The following ADAMTS17 variants were observed in gnomAD, a reference collection of about 807,000 sequenced individuals.
ADAMTS17 encodes the protein A disintegrin and metalloproteinase with thrombospondin motifs 17.
In ADAMTS17, 113 loss-of-function variants were observed where a neutral mutation model predicts 141.5. The observed-to-expected ratio is 0.80, with a 90% CI of 0.69 to 0.93. ADAMTS17 has a LOEUF of 0.93. ADAMTS17 is among the 40% of genes least tolerant of loss of function. ADAMTS17 has a pLI of 0.00. For missense variants in ADAMTS17, 1,659 were observed against 1,517.9 expected (o/e 1.09, Z -1.54); for synonymous variants, 768 against 630.6 (o/e 1.22, Z -3.27).
At chr15:100,142,342 C>T (rs760414572) in intron 10 of ADAMTS17, among the ~76,000 whole-genome samples, 2 of 152,050 alleles carry the variant, frequency 1.3e-5, no homozygotes, top group East Asian at 1.9e-4. Flanking sequence ...GTACTGGACA[C>T]GGGAAAGCAA....
chr15:100,194,457 T>C (rs889479284), intron 8 of ADAMTS17, among the ~76,000 whole-genome samples: 1 of 152,180 alleles, frequency 6.6e-6, no homozygotes, highest in Non-Finnish European at 1.5e-5. Context: ...CAGCCAACAA[T>C]AGATGCTACA....
chr15:100,309,841 T>C (rs2045346770), intron 3 of ADAMTS17, among the ~76,000 whole-genome samples: 1 of 152,164 alleles, frequency 6.6e-6, no homozygotes, highest in Admixed American at 6.5e-5. Context: ...CTCTCCCTGC[T>C]GCCCCCGACC....
intron 7 of ADAMTS17, among the ~76,000 whole-genome samples, chr15:100,238,515 C>T (rs184215278): frequency 9.2e-5 from 14 of 152,316 alleles, no homozygotes; most frequent in Non-Finnish European, 1.6e-4. Flanking sequence ...GGACAAAGAT[C>T]CGTCCTGAAC....
intron 7 of ADAMTS17, among the ~76,000 whole-genome samples, chr15:100,244,124 A>G (rs1206761157): frequency 6.6e-6 from 1 of 151,986 alleles, no homozygotes; most frequent in Non-Finnish European, 1.5e-5. Flanking sequence ...CAGGCCAGAG[A>G]GAGCTTCTGC....
intron 10 of ADAMTS17, among the ~76,000 whole-genome samples, chr15:100,138,816 C>T (rs2038470328): frequency 6.6e-6 from 1 of 152,208 alleles, no homozygotes; most frequent in African/African-American, 2.4e-5. Context: ...CCGCAATGAT[C>T]TCTGTCTCTT....
intron 10 of ADAMTS17, among the ~76,000 whole-genome samples, chr15:100,136,342 C>T (rs1028838770): frequency 6.6e-6 from 1 of 152,218 alleles, no homozygotes; most frequent in African/African-American, 2.4e-5. Context: ...GGAATGACAG[C>T]AAAGGAGAAG....
intron 3 of ADAMTS17, among the ~76,000 whole-genome samples, chr15:100,317,248 C>T (rs550427504): frequency 7.2e-5 from 11 of 152,288 alleles, no homozygotes; most frequent in African/African-American, 2.6e-4. Flanking sequence ...TGAGCTTCTC[C>T]TCAAAGCTTG....
At chr15:100,341,468 C>G in intron 1 of ADAMTS17, 59 bp from the exon 2 acceptor site, 3 of 1,005,592 alleles carry the variant, frequency 3.0e-6, no homozygotes, top group Non-Finnish European at 3.6e-6. Context: ...CCCGCCCTCC[C>G]GCTGGCCGCC....
chr15:100,190,251 T>A (rs552260419), intron 8 of ADAMTS17, among the ~76,000 whole-genome samples: 1 of 152,378 alleles, frequency 6.6e-6, no homozygotes, highest in East Asian at 1.9e-4. Context: ...ATCTGTGCTC[T>A]GCTCTGATGT....
intron 18 of ADAMTS17, among the ~76,000 whole-genome samples, chr15:100,032,153 C>T (rs969011923): frequency 1.3e-5 from 2 of 152,046 alleles, no homozygotes; most frequent in African/African-American, 2.4e-5. Context: ...GGGACACAGA[C>T]GCACCTCTCC....
At chr15:100,201,171 C>T (rs2041317660) in intron 7 of ADAMTS17, among the ~76,000 whole-genome samples, 1 of 152,146 alleles carries the variant, frequency 6.6e-6, no homozygotes. Flanking sequence ...GCTCTGTGTC[C>T]CCACCCAAAT....
chr15:100,080,425 T>C (rs1026394454), intron 15 of ADAMTS17, among the ~76,000 whole-genome samples: 36 of 152,026 alleles, frequency 2.4e-4, no homozygotes, highest in African/African-American at 8.2e-4. Flanking sequence ...GGAGATCCAT[T>C]AGGGCGTCTC....
intron 7 of ADAMTS17, among the ~76,000 whole-genome samples, chr15:100,225,884 T>G (rs1027936943): frequency 2.0e-5 from 3 of 146,644 alleles, no homozygotes; most frequent in African/African-American, 7.7e-5. Context: ...ATTCAGTCCT[T>G]ACAGCAGTCA....
chr15:100,322,828 C>T (rs2045771453), intron 3 of ADAMTS17, among the ~76,000 whole-genome samples: 1 of 152,156 alleles, frequency 6.6e-6, no homozygotes, highest in African/African-American at 2.4e-5. Context: ...TGGCTCACAC[C>T]TGTAATCCCA....
At chr15:100,180,418 A>G (rs1254656701) in intron 8 of ADAMTS17, among the ~76,000 whole-genome samples, 1 of 152,190 alleles carries the variant, frequency 6.6e-6, no homozygotes, top group East Asian at 1.9e-4. Context: ...TTTGGTTACT[A>G]TAGCTCTACA....
rs79321538 is a variant in ADAMTS17, at chr15:100,074,645, T to C, written c.2138-20591A>G. Among the ~76,000 whole-genome samples the C allele has an allele frequency of 9.5e-3, 1,444 of 152,252 alleles. 27 individuals carry two copies. Among genetic ancestry groups the C allele is most frequent in the African/African-American group, 0.034 (1,402 of 41,556 alleles). On this transcript the variant is annotated intron_variant, in intron 15 of 21. Coordinates refer to ENST00000268070, the MANE Select transcript of ADAMTS17 (RefSeq NM_139057.4). ...TTTGCTAATATTATATTTAGAACTT[T>C]TGCAAAATTATTCCTAAGAATGCTC...
rs554466448 is a variant in ADAMTS17 at position 100,041,845 on chromosome 15, G to T, written c.2591+7012C>A. The stretch of plus-strand genomic sequence containing the variant: ...ACTGTCAGGAACTCAATGGAAAAAG[G>T]GTTGAAGAAAATTAAAGGGAGATCA... On this transcript the variant is annotated intron_variant, in intron 18 of 21. Transcript: ENST00000268070. Among the ~76,000 whole-genome samples, 4 of 152,258 alleles carry T rather than the reference G, an allele frequency of 2.6e-5. No individual in the cohort carries two copies. The East Asian group carries it at 7.7e-4, about 29-fold the overall frequency.
rs569590810 is a variant in ADAMTS17 at position 100,181,712 on chromosome 15, G to A, written c.1181+17606C>T. 7.2e-5 allele frequency among the ~76,000 whole-genome samples: 11 copies of A among 152,332 alleles called. No homozygotes were observed. The South Asian group carries it at 1.7e-3, about 23-fold the overall frequency. ...AGATGCAAGACAATGTTCTCTTTAC[G>A]CTTCCCTCTTCTCTCCTGAAGGAGG... is the stretch of plus-strand genomic sequence containing the variant. On this transcript the variant is annotated intron_variant, in intron 8 of 21. Coordinates refer to ENST00000268070, the MANE Select transcript of ADAMTS17 (RefSeq NM_139057.4).
rs184128959 is a variant in ADAMTS17, at chr15:100,091,897, T to C, written c.2137+4459A>G. Among the ~76,000 whole-genome samples, 6 of 152,318 alleles carry C rather than the reference T, an allele frequency of 3.9e-5. No individual in the cohort carries two copies. In the East Asian group the frequency reaches 1.2e-3, roughly 29 times the overall value. On this transcript the variant is annotated intron_variant, in intron 15 of 21. Transcript: ENST00000268070. ...ATTACTATCTTACGTTTCTCCCTAA[T>C]GGTGGTTCCTGGGTCTAATGGAAAA...
Sources: allele counts gnomAD v4.1 joint callset (sites outside exome capture counted in the v4.1 genomes callset), GRCh38; gene constraint gnomAD v4.1.1; transcripts MANE v1.5; gene names NCBI Gene and HGNC (gene_info 2026-07-23, HGNC 2026-07-21).